The following CASZ1 variants were observed in gnomAD, a reference collection of about 807,000 sequenced individuals.
CASZ1 encodes zinc finger protein castor homolog 1.
CASZ1 carries 28 observed loss-of-function variants against 135.2 expected under a neutral mutation model. The observed-to-expected ratio is 0.21, with a 90% confidence interval of 0.15 to 0.28. The LOEUF is 0.28. Ranked by LOEUF, CASZ1 falls within the 10% of genes least tolerant of loss-of-function variation. The probability of loss-of-function intolerance (pLI) is 1.00; values close to 1 mark genes in which losing one functional copy is unlikely to be tolerated. For synonymous variants in CASZ1, 1,068 were observed against 1,073.4 expected (o/e 0.99, Z 0.10); for missense variants, 2,161 against 2,453.3 (o/e 0.88, Z 2.52).
Position 10,659,793 on chromosome 1 carries a change from GA to G in CASZ1, c.1248del (p.Pro417LeufsTer12). The G allele has an allele frequency of 6.2e-7, 1 of 1,613,954 alleles. No homozygotes were observed. Among genetic ancestry groups the G allele is most frequent in the Non-Finnish European group, 8.5e-7 (1 of 1,179,888 alleles). On this transcript the variant is annotated frameshift_variant, in exon 6 of 21. Coordinates refer to ENST00000377022, the MANE Select transcript of CASZ1 (RefSeq NM_001079843.3). LOFTEE classifies it high-confidence loss of function. ...GGAGTGTTGAAGGACAGGGAGGCAG[GA>G]GGCTCTGGCCCTGGCCCGGGGGCGC... ...APSAPGPGPE[P>X]PASLSFNTPE...
At chr1:10,689,589 T>C (rs1638703163) in intron 4 of CASZ1, among the ~76,000 whole-genome samples, 1 of 152,186 alleles carries the variant, frequency 6.6e-6, no homozygotes, top group Non-Finnish European at 1.5e-5. Flanking sequence ...CTTCTGCCTC[T>C]GCCTCTTGTT....
At chr1:10,696,402 C>T (rs1051245876) in intron 3 of CASZ1, among the ~76,000 whole-genome samples, 1 of 152,222 alleles carries the variant, frequency 6.6e-6, no homozygotes, top group African/African-American at 2.4e-5. Context: ...ACAGAACTAC[C>T]CCAAGTCTAA....
chr1:10,647,673 ATG>A lies in CASZ1; in HGVS notation c.3497+126_3497+127del. On this transcript the variant is annotated intron_variant, in intron 16 of 20. Transcript: ENST00000377022. The surrounding 1 kb of genome is among the most constrained non-coding windows in gnomAD (Gnocchi z 4.9). ...GCTAGAAGGACATCACCCGATGGCC[ATG>A]CCCCAGAGAGGCTGGGGACAGCAGC... 6.6e-7 allele frequency: 1 copy of A among 1,507,948 alleles called. No homozygotes were observed. The allele number at this position is 1,507,948 out of a possible 1,614,324, so 93.4% of individuals were successfully genotyped here.
Position 10,747,188 on chromosome 1 carries a change from C to A in CASZ1, c.-77+13513G>T, listed in dbSNP as rs987261244. ...ACCAGCTACCCCCATACCCTCTGAG[C>A]CTCTGGCCCTTGGAGACATAGGCCA... On this transcript the variant is annotated intron_variant, in intron 2 of 20. Coordinates refer to ENST00000377022, the MANE Select transcript of CASZ1 (RefSeq NM_001079843.3). The surrounding 1 kb of genome is among the most constrained non-coding windows in gnomAD (Gnocchi z 4.3). Among the ~76,000 whole-genome samples the A allele has an allele frequency of 6.6e-6, 1 of 152,180 alleles. No homozygotes were observed. The highest frequency in any genetic ancestry group is 1.5e-5 in the Non-Finnish European group (1 of 68,046).
chr1:10,665,618 A>G lies in CASZ1; in HGVS notation c.17-47T>C, dbSNP rs1339445989. 3.4e-6 allele frequency: 5 copies of G among 1,486,926 alleles called. No homozygotes were observed. In the Admixed American group the frequency reaches 6.4e-5, roughly 19 times the overall value. 92.1% of individuals were successfully genotyped at this position (1,486,926 alleles called of 1,614,324 possible). On this transcript the variant is annotated intron_variant, in intron 4 of 20. Coordinates refer to ENST00000377022, the MANE Select transcript of CASZ1 (RefSeq NM_001079843.3). ...CGGAGGTCAGAGGCGTGCAAGGCCA[A>G]GAACAACCCACCCTCCCGAACAGCC...
chr1:10,694,249 C>T lies in CASZ1; in HGVS notation c.-23-337G>A. On this transcript the variant is annotated intron_variant, in intron 3 of 20. Transcript: ENST00000377022. This position sits in a 1 kb window ranked among gnomAD's most constrained non-coding sequence, Gnocchi z 6.6. ...ACCGCGCCCCGCGCCCGGGTCGCCG[C>T]CCGAGACCGCGGCCCCCGGGCCTCC... 1 of 906,216 alleles carries T rather than the reference C, an allele frequency of 1.1e-6. No individual in the cohort carries two copies. Among genetic ancestry groups the T allele is most frequent in the Non-Finnish European group, 1.3e-6 (1 of 753,076 alleles). 56.1% of individuals were successfully genotyped at this position (906,216 alleles called of 1,614,324 possible).
At position 10,699,688 on chromosome 1, in the gene CASZ1, C is replaced by T. The variant is rs1377148864; in HGVS notation, c.-23-5776G>A. On this transcript the variant is annotated intron_variant, in intron 3 of 20. Coordinates refer to ENST00000377022, the MANE Select transcript of CASZ1 (RefSeq NM_001079843.3). The surrounding 1 kb of genome is among the most constrained non-coding windows in gnomAD (Gnocchi z 4.6). ...TAATAAATATCCAAACTGGCCCGGC[C>T]GGATCCTCCACTTTGGAGGGAGAGA... Among the ~76,000 whole-genome samples, 5 of 152,284 alleles carry T rather than the reference C, an allele frequency of 3.3e-5. No individual in the cohort carries two copies. The highest frequency in any genetic ancestry group is 4.8e-5 in the African/African-American group (2 of 41,552).
At chr1:10,780,753 A>T (rs1640749042) in intron 1 of CASZ1, among the ~76,000 whole-genome samples, 1 of 152,100 alleles carries the variant, frequency 6.6e-6, no homozygotes, top group Non-Finnish European at 1.5e-5. Flanking sequence ...TCAGAGTCAG[A>T]TCAACCAGCG....
intron 1 of CASZ1, among the ~76,000 whole-genome samples, chr1:10,769,250 C>T (rs1640532701): frequency 1.3e-5 from 2 of 152,180 alleles, no homozygotes; most frequent in Non-Finnish European, 2.9e-5. Flanking sequence ...GAAGGTTCGG[C>T]GAGAACACTC....
intron 4 of CASZ1, among the ~76,000 whole-genome samples, chr1:10,673,980 C>G (rs1418054507): frequency 1.3e-5 from 2 of 152,234 alleles, no homozygotes; most frequent in African/African-American, 4.8e-5. Context: ...ATCCCTGCCA[C>G]CGCAGTGCCT....
intron 1 of CASZ1, among the ~76,000 whole-genome samples, chr1:10,770,595 C>A (rs1253804877): frequency 6.6e-6 from 1 of 152,080 alleles, no homozygotes; most frequent in East Asian, 1.9e-4. Context: ...GGTCACAGGC[C>A]CCCTCTGTCC....
intron 2 of CASZ1, among the ~76,000 whole-genome samples, chr1:10,745,351 C>T (rs1640019057): frequency 6.6e-6 from 1 of 151,986 alleles, no homozygotes; most frequent in South Asian, 2.1e-4. Context: ...TTGGAAGAAT[C>T]CAGTGTGTTC....
chr1:10,705,880 G>C (rs1034450970), intron 2 of CASZ1, among the ~76,000 whole-genome samples: 1 of 152,272 alleles, frequency 6.6e-6, no homozygotes, highest in African/African-American at 2.4e-5. Context: ...GGGAGTGGGG[G>C]TGCTGGTGAA....
At chr1:10,675,799 C>A (rs1231168872) in intron 4 of CASZ1, among the ~76,000 whole-genome samples, 41 of 128,212 alleles carry the variant, frequency 3.2e-4, no homozygotes, top group Non-Finnish European at 4.9e-4. Flanking sequence ...ATGACCCCCC[C>A]CCCACCCCCA....
At chr1:10,744,052 C>T (rs994292954) in intron 2 of CASZ1, among the ~76,000 whole-genome samples, 3 of 152,100 alleles carry the variant, frequency 2.0e-5, no homozygotes, top group African/African-American at 7.2e-5. Context: ...TCCTTGGAAA[C>T]TCGGGCACTC....
At chr1:10,698,600 C>T (rs1178685233) in intron 3 of CASZ1, among the ~76,000 whole-genome samples, 4 of 152,112 alleles carry the variant, frequency 2.6e-5, no homozygotes, top group East Asian at 1.9e-4. Flanking sequence ...TCTCTGTGGC[C>T]GGCTCCGAAG....
intron 4 of CASZ1, among the ~76,000 whole-genome samples, chr1:10,678,092 G>T (rs1170945547): frequency 1.3e-5 from 2 of 152,210 alleles, no homozygotes; most frequent in African/African-American, 4.8e-5. Context: ...GGGGATGAGA[G>T]GGAAAGCCTG....
In CASZ1 at chr1:10,741,775, G is replaced by A. The variant is rs542724437; in HGVS notation, c.-77+18926C>T. ...AACATGTGTAGGAGTCTTTACAAAC[G>A]ACTTTTATACATATTTATATATATA... is the stretch of plus-strand genomic sequence containing the variant. On this transcript the variant is annotated intron_variant, in intron 2 of 20. Transcript: ENST00000377022. The surrounding 1 kb of genome is among the most constrained non-coding windows in gnomAD (Gnocchi z 5.0). Among the ~76,000 whole-genome samples the A allele has an allele frequency of 1.3e-5, 2 of 151,072 alleles. No homozygotes were observed. The highest frequency in any genetic ancestry group is 2.9e-5 in the Non-Finnish European group (2 of 67,910).
chr1:10,793,982 G>C (rs1192901030), intron 1 of CASZ1, among the ~76,000 whole-genome samples: 4 of 152,162 alleles, frequency 2.6e-5, no homozygotes, highest in Admixed American at 6.5e-5. Flanking sequence ...ACGCAAACCC[G>C]GCGCTTTGCG....
Sources: allele counts gnomAD v4.1 joint callset (sites outside exome capture counted in the v4.1 genomes callset), GRCh38; gene constraint gnomAD v4.1.1; non-coding constraint Gnocchi (gnomAD v3.1); transcripts MANE v1.5; gene names NCBI Gene and HGNC (gene_info 2026-07-23, HGNC 2026-07-21).